GMIP: variants seen among roughly 807,000 people sequenced by gnomAD.
GMIP encodes the protein GEM-interacting protein.
Under a neutral mutation model 105.3 loss-of-function variants are expected in GMIP, and 54 were observed. The ratio of observed to expected loss-of-function variants is 0.51; its 90% CI spans 0.41 to 0.64. The LOEUF (loss-of-function observed/expected upper bound fraction) is 0.64. Ranked by LOEUF, GMIP falls within the 30% of genes least tolerant of loss-of-function variation. The pLI is 0.00. For missense variants in GMIP, 1,110 were observed against 1,319.4 expected (o/e 0.84, Z 2.46); for synonymous variants, 541 against 560.8 (o/e 0.96, Z 0.50).
chr19:19,640,752 T>G (rs978297066), intron 4 of GMIP, among the ~76,000 whole-genome samples, 181 bp from the exon 5 acceptor site: 4 of 151,992 alleles, frequency 2.6e-5, no homozygotes, highest in Non-Finnish European at 5.9e-5. Context: ...TTTTTATTTT[T>G]TATTATTTTA....
Position 19,640,282 on chromosome 19 carries a change from C to G in GMIP, c.429+14G>C, listed in dbSNP as rs950649884. On this transcript the variant is annotated intron_variant, in intron 6 of 20. Coordinates refer to ENST00000203556, the MANE Select transcript of GMIP (RefSeq NM_016573.4). ...GGGGGCTTGGGCTCTCCGGGGGGGT[C>G]TGGTCATGACTACCTGCTGTTGAAT... The G allele has an allele frequency of 6.8e-6, 11 of 1,612,722 alleles. No individual in the cohort carries two copies. The highest frequency in any genetic ancestry group is 9.3e-6 in the Non-Finnish European group (11 of 1,179,144).
intron 1 of GMIP, 26 bp downstream of exon 1, chr19:19,643,485 C>G (rs376990815): frequency 6.5e-7 from 1 of 1,539,222 alleles, no homozygotes; most frequent in South Asian, 1.2e-5. Flanking sequence ...TCGGGGGAGG[C>G]CCCTCCCGGA....
intron 1 of GMIP, chr19:19,643,133 A>G: frequency 3.8e-6 from 1 of 262,994 alleles, no homozygotes; most frequent in Non-Finnish European, 7.2e-6. Context: ...CCCTCTCCTA[A>G]GGGGCCTAGA....
At chr19:19,631,767 C>A (rs1336719540) in intron 19 of GMIP, among the ~76,000 whole-genome samples, 1 of 151,422 alleles carries the variant, frequency 6.6e-6, no homozygotes, top group Non-Finnish European at 1.5e-5. Flanking sequence ...GCGGGTGGAT[C>A]ACAAGGTCAG....
chr19:19,634,264 G>A lies in GMIP; in HGVS notation c.2085-74C>T, dbSNP rs538575908. 3,671 of 1,443,476 alleles carry A rather than the reference G, an allele frequency of 2.5e-3. 3 individuals carry two copies. Among genetic ancestry groups the A allele is most frequent in the Admixed American group, 3.7e-3 (163 of 43,546 alleles). 89.4% of individuals were successfully genotyped at this position (1,443,476 alleles called of 1,614,324 possible). A position where few individuals can be genotyped will look rare whatever the true frequency, so the allele number is the denominator to read the frequency against. On this transcript the variant is annotated intron_variant, in intron 18 of 20. Coordinates refer to ENST00000203556, the MANE Select transcript of GMIP (RefSeq NM_016573.4). The surrounding 1 kb of genome is among the most constrained non-coding windows in gnomAD (Gnocchi z 6.1). ...TGGTCTGAGGGTAAGGGTGGGACAC[G>A]CAGGCCAGCCTAGAGGTGACTTGCC...
chr19:19,634,226 G>A lies in GMIP; in HGVS notation c.2085-36C>T, dbSNP rs1414138696. On this transcript the variant is annotated intron_variant, in intron 18 of 20. Coordinates refer to ENST00000203556, the MANE Select transcript of GMIP (RefSeq NM_016573.4). This position sits in a 1 kb window ranked among gnomAD's most constrained non-coding sequence, Gnocchi z 6.1. ...TGTGAAGAGAAAGGTCAGGGTACAG[G>A]ATGCAAGCTCATTGGTCTGAGGGTA... The A allele has an allele frequency of 6.5e-7, 1 of 1,539,384 alleles. No homozygotes were observed. Among genetic ancestry groups the A allele is most frequent in the Non-Finnish European group, 8.7e-7 (1 of 1,143,046 alleles).
Position 19,638,266 on chromosome 19 carries a change from G to T in GMIP, c.682C>A (p.Arg228=), listed in dbSNP as rs2061879067. The change falls in exon 9 of 21, where the codon CGG becomes AGG. Residue 228 remains arginine, a synonymous_variant. Transcript: ENST00000203556. ...TCAGGGGACCCCTGGGAGCGTGCCC[G>T]CAGGTCCTCGCTGCGTTGCACATAC... ...LQYVQRSEDL[R]ARSQGSPEDS... is the part of the protein sequence containing the mutation. 3 of 1,606,880 alleles carry T rather than the reference G, an allele frequency of 1.9e-6. No homozygotes were observed. Among genetic ancestry groups the T allele is most frequent in the African/African-American group, 2.7e-5 (2 of 75,032 alleles).
rs925701284 is a variant in GMIP, at chr19:19,630,171, G to A, written c.2705C>T (p.Ser902Leu). 6.2e-7 allele frequency: 1 copy of A among 1,604,038 alleles called. No homozygotes were observed. The highest frequency in any genetic ancestry group is 1.1e-5 in the South Asian group (1 of 90,228). Reference sequence around the variant, plus strand: ...CCCCCGCAAACTCCCTCTGGGCACTGATGTGATGGGGGTCTCCTCGCACAG... The same window carrying A: ...CCCCCGCAAACTCCCTCTGGGCACTAATGTGATGGGGGTCTCCTCGCACAG... ...SKLCEETPIT[S>L]VPRGSLRGRG... Residue 902 changes from serine (S) to leucine (L), a missense_variant, in exon 21 of 21, where the codon TCA becomes TTA. This residue lies in a region of GMIP where 394 missense variants were observed against 450.5 expected (regional missense o/e 0.87). Coordinates refer to ENST00000203556, the MANE Select transcript of GMIP (RefSeq NM_016573.4). This position sits in a 1 kb window ranked among gnomAD's most constrained non-coding sequence, Gnocchi z 4.8.
chr19:19,635,444 A>T lies in GMIP; in HGVS notation c.1531T>A (p.Phe511Ile), dbSNP rs1475336893. 11 of 1,609,922 alleles carry T rather than the reference A, an allele frequency of 6.8e-6. No individual in the cohort carries two copies. The East Asian group carries it at 2.2e-4, about 33-fold the overall frequency. ...TCACACTCCGTCCCGCTGACCATGAAGGCTTCGCACTCGCGGCACTTGGCT... is the reference window on the plus strand; with the variant it reads ...TCACACTCCGTCCCGCTGACCATGATGGCTTCGCACTCGCGGCACTTGGCT... ...GPAKCRECEA[F>I]MVSGTECEEC... is the part of the protein sequence containing the mutation. The change falls in exon 15 of 21, where the codon TTC becomes ATC. Residue 511 changes from phenylalanine to isoleucine, a missense_variant. By Grantham distance (21) the Phe-to-Ile change is conservative (BLOSUM62 0). Around this residue, in one of 3 missense-constraint regions of GMIP, gnomAD observed 667 missense variants for 773.2 expected, o/e 0.86. Transcript: ENST00000203556. The surrounding 1 kb of genome is among the most constrained non-coding windows in gnomAD (Gnocchi z 4.7).
chr19:19,635,836 G>A lies in GMIP; in HGVS notation c.1328-115C>T, dbSNP rs2061848705. The stretch of plus-strand genomic sequence containing the variant: ...GGGTCAGAGGTCAGGAGGGGGATTG[G>A]ACAGGTCAGTGGTTAAGGGTTGGAG... On this transcript the variant is annotated intron_variant, in intron 13 of 20. Transcript: ENST00000203556. The surrounding 1 kb of genome is among the most constrained non-coding windows in gnomAD (Gnocchi z 4.7). 3 of 840,924 alleles carry A rather than the reference G, an allele frequency of 3.6e-6. No individual in the cohort carries two copies. The Admixed American group carries it at 5.5e-5, about 15-fold the overall frequency. 52.1% of individuals were successfully genotyped at this position (840,924 alleles called of 1,614,324 possible).
At position 19,643,627 on chromosome 19, in the gene GMIP, G is replaced by A. The variant is rs958938824; in HGVS notation, c.-98C>T. ...ATTTCCTGCCGCCGCAGCCGCCGCC[G>A]CCGCCTCGGTTCCGCGTCGCCCTGC... On this transcript the variant is annotated 5_prime_UTR_variant, in exon 1 of 21. Transcript: ENST00000203556. The A allele has an allele frequency of 1.5e-5, 16 of 1,098,264 alleles. No homozygotes were observed. The highest frequency in any genetic ancestry group is 5.1e-5 in the Admixed American group (2 of 38,914). The allele number at this position is 1,098,264 out of a possible 1,614,324, so 68.0% of individuals were successfully genotyped here. A position where few individuals can be genotyped will look rare whatever the true frequency, so the allele number is the denominator to read the frequency against.
In GMIP at chr19:19,642,078, C is replaced by T. The variant is rs770953645; in HGVS notation, c.105-27G>A. 4.7e-6 allele frequency: 7 copies of T among 1,492,904 alleles called. No individual in the cohort carries two copies. In the South Asian group the frequency reaches 6.8e-5, roughly 15 times the overall value. The allele number at this position is 1,492,904 out of a possible 1,614,324, so 92.5% of individuals were successfully genotyped here. Reference sequence around the variant, plus strand: ...TGGGGGATAAAGGTGTGTCAGGATGCCACCTTACACCCAGTCTGTCCTGCC... The same window carrying T: ...TGGGGGATAAAGGTGTGTCAGGATGTCACCTTACACCCAGTCTGTCCTGCC... On this transcript the variant is annotated intron_variant, in intron 2 of 20. Transcript: ENST00000203556.
Position 19,640,091 on chromosome 19 carries a change from G to A in GMIP, c.531C>T (p.Tyr177=). 3 of 1,591,954 alleles carry A rather than the reference G, an allele frequency of 1.9e-6. No homozygotes were observed. Among genetic ancestry groups the A allele is most frequent in the Non-Finnish European group, 2.6e-6 (3 of 1,159,820 alleles). ...TCCACCCTGCCCCCCTCACCTGGTA[G>A]TAGTCTCTTTTCTGCTGGGCCACTG... ...METVAQQKRD[Y]YQPLAAKRTE... is the part of the protein sequence containing the mutation. Residue 177 remains tyrosine (Y), a synonymous_variant, in exon 7 of 21, where the codon TAC becomes TAT. Transcript: ENST00000203556.
Position 19,640,202 on chromosome 19 carries a change from A to G in GMIP, c.430-10T>C, listed in dbSNP as rs1334742885. 1.9e-6 allele frequency: 3 copies of G among 1,594,042 alleles called. No homozygotes were observed. Among genetic ancestry groups the G allele is most frequent in the African/African-American group, 1.3e-5 (1 of 74,082 alleles). ...GCAGAGGCATGTGGCTCTGGGGAAG[A>G]CAGAGTGGTGTAGGAGGATACTGAA... is the stretch of plus-strand genomic sequence containing the variant. On this transcript the variant is annotated splice_polypyrimidine_tract_variant and intron_variant, in intron 6 of 20. Transcript: ENST00000203556.
chr19:19,634,456 G>A lies in GMIP; in HGVS notation c.2084+51C>T, dbSNP rs747873153. 3.5e-5 allele frequency: 51 copies of A among 1,467,738 alleles called. No individual in the cohort carries two copies. In the East Asian group the frequency reaches 5.4e-4, roughly 16 times the overall value. 90.9% of individuals were successfully genotyped at this position (1,467,738 alleles called of 1,614,324 possible). The stretch of plus-strand genomic sequence containing the variant: ...GGGTCAGCCAGGGAAGTTAGTAGTC[G>A]CATGTCCAGGGAAAAGGGTCGCGTT... On this transcript the variant is annotated intron_variant, in intron 18 of 20. Transcript: ENST00000203556. The surrounding 1 kb of genome is among the most constrained non-coding windows in gnomAD (Gnocchi z 6.1).
At position 19,640,140 on chromosome 19, in the gene GMIP, C is replaced by T. The variant is rs1250275725; in HGVS notation, c.482G>A (p.Ser161Asn). The change falls in exon 7 of 21, where the codon AGC becomes AAC. Residue 161 changes from serine (S) to asparagine (N), a missense_variant. Physicochemically the swap from Ser to Asn is conservative, Grantham distance 46. Transcript: ENST00000203556. ...IYTLFLEHDL[S>N]LGTLAMETVA... ...TGTCTCCATGGCCAGGGTTCCCAGG[C>T]TGAGATCGTGCTCCAGAAACAGGGT... 1.3e-5 allele frequency: 21 copies of T among 1,613,806 alleles called. No homozygotes were observed. Among genetic ancestry groups the T allele is most frequent in the Admixed American group, 1.7e-5 (1 of 59,972 alleles).
In GMIP at chr19:19,637,917, C is replaced by T. The variant is rs181560059; in HGVS notation, c.927+3G>A. 21 of 1,595,686 alleles carry T rather than the reference C, an allele frequency of 1.3e-5. No homozygotes were observed. In the Middle Eastern group the frequency reaches 6.7e-4, roughly 51 times the overall value. On this transcript the variant is annotated splice_donor_region_variant and intron_variant, in intron 10 of 20. Transcript: ENST00000203556. The surrounding 1 kb of genome is among the most constrained non-coding windows in gnomAD (Gnocchi z 6.7). Reference sequence around the variant, plus strand: ...GGAGGATGGCCTTGGGGATGGGCCTCACCCGCCTCAGCACTTCATCCCCCT... The same window carrying T: ...GGAGGATGGCCTTGGGGATGGGCCTTACCCGCCTCAGCACTTCATCCCCCT...
Position 19,629,901 on chromosome 19 carries a change from T to C in GMIP, c.*62A>G, listed in dbSNP as rs1450637609. The stretch of plus-strand genomic sequence containing the variant: ...TGTTTGGCCACTAGGTGGTGGGAGG[T>C]AGGGATATATGGGTCCGTCTTCACA... On this transcript the variant is annotated 3_prime_UTR_variant, in exon 21 of 21. Transcript: ENST00000203556. 50 of 1,493,782 alleles carry C rather than the reference T, an allele frequency of 3.3e-5. No individual in the cohort carries two copies. Among genetic ancestry groups the C allele is most frequent in the Non-Finnish European group, 4.2e-5 (47 of 1,106,886 alleles). 92.5% of individuals were successfully genotyped at this position (1,493,782 alleles called of 1,614,324 possible).
chr19:19,632,493 C>G (rs2061807026), intron 19 of GMIP, among the ~76,000 whole-genome samples: 1 of 152,088 alleles, frequency 6.6e-6, no homozygotes, highest in Non-Finnish European at 1.5e-5. Flanking sequence ...GAGATCGCAC[C>G]ACTGCACTCC....
Sources: allele counts gnomAD v4.1 joint callset (sites outside exome capture counted in the v4.1 genomes callset), GRCh38; gene constraint gnomAD v4.1.1; regional missense constraint gnomAD v4.1.1; non-coding constraint Gnocchi (gnomAD v3.1); transcripts MANE v1.5; gene names NCBI Gene and HGNC (gene_info 2026-07-23, HGNC 2026-07-21).